The following PHACTR1 variants were observed in gnomAD, a reference collection of about 807,000 sequenced individuals.
PHACTR1 encodes phosphatase and actin regulator 1, also known as RPEL repeat containing 1.
Under a neutral mutation model 69.2 loss-of-function variants are expected in PHACTR1, and 16 were observed. The observed-to-expected ratio is 0.23, with a 90% CI of 0.16 to 0.35. The LOEUF is 0.35. PHACTR1 is among the 10% of genes least tolerant of loss of function. PHACTR1 has a pLI of 1.00. For synonymous variants in PHACTR1, 312 were observed against 284.5 expected (o/e 1.10, Z -0.97); for missense variants, 510 against 734.7 (o/e 0.69, Z 3.54).
At chr6:12,884,985 T>C (rs146875530) in intron 4 of PHACTR1, among the ~76,000 whole-genome samples, 141 of 152,350 alleles carry the variant, frequency 9.3e-4, no homozygotes, top group African/African-American at 3.2e-3. Context: ...TGCTAAATTA[T>C]TGGAGTCGAG....
chr6:12,873,095 G>T (rs753250880), intron 4 of PHACTR1, among the ~76,000 whole-genome samples: 1 of 151,756 alleles, frequency 6.6e-6, no homozygotes, highest in East Asian at 1.9e-4. Flanking sequence ...TCACTGCAGC[G>T]TCAACTCCTG....
At position 13,275,402 on chromosome 6, in the gene PHACTR1, T is replaced by C. The variant is rs558955794; in HGVS notation, c.1447+2487T>C. 6.6e-6 allele frequency: 1 copy of C among 152,422 alleles called. No individual in the cohort carries two copies. Among genetic ancestry groups the C allele is most frequent in the Admixed American group, 6.5e-5 (1 of 15,306 alleles). The allele number at this position is 152,422 out of a possible 1,614,324, so 9.4% of individuals were successfully genotyped here. A position where few individuals can be genotyped will look rare whatever the true frequency, so the allele number is the denominator to read the frequency against. On this transcript the variant is annotated intron_variant, in intron 11 of 14. Coordinates refer to ENST00000332995, the MANE Select transcript of PHACTR1 (RefSeq NM_030948.6). This position sits in a 1 kb window ranked among gnomAD's most constrained non-coding sequence, Gnocchi z 4.0. ...AAATTCATGAACCTGGGTTGGTCAA[T>C]GGCTTTGAACTAAAGGTATCAATTC...
intron 4 of PHACTR1, among the ~76,000 whole-genome samples, chr6:13,030,625 C>T (rs1235572572): frequency 6.6e-6 from 1 of 152,184 alleles, no homozygotes; most frequent in Non-Finnish European, 1.5e-5. Context: ...CCAGTCAAGG[C>T]ATTTGCTTTT....
At chr6:13,107,961 C>T (rs1365261882) in intron 5 of PHACTR1, among the ~76,000 whole-genome samples, 2 of 151,882 alleles carry the variant, frequency 1.3e-5, no homozygotes, top group African/African-American at 2.4e-5. Context: ...TCTTCCATTT[C>T]TTTAAAGTGG....
intron 4 of PHACTR1, among the ~76,000 whole-genome samples, chr6:12,764,995 T>A (rs921158080): frequency 6.6e-6 from 1 of 152,150 alleles, no homozygotes; most frequent in Non-Finnish European, 1.5e-5. Context: ...GTTTATTATC[T>A]TTCTGAATGG....
intron 4 of PHACTR1, among the ~76,000 whole-genome samples, chr6:12,863,936 C>T (rs545027636): frequency 3.9e-5 from 6 of 152,020 alleles, no homozygotes; most frequent in Non-Finnish European, 5.9e-5. Context: ...TTACAGCAGA[C>T]GTAGGAAAGG....
intron 5 of PHACTR1, among the ~76,000 whole-genome samples, chr6:13,130,678 T>G (rs1005510440): frequency 2.6e-5 from 4 of 151,694 alleles, no homozygotes; most frequent in Admixed American, 2.0e-4. Flanking sequence ...AAATTGCCAA[T>G]AAAAAAGGTC....
chr6:12,897,861 C>T (rs1173174082), intron 4 of PHACTR1, among the ~76,000 whole-genome samples: 1 of 152,080 alleles, frequency 6.6e-6, no homozygotes, highest in Non-Finnish European at 1.5e-5. Context: ...TGCTCCCTCC[C>T]CTATTCCCTC....
At position 13,233,793 on chromosome 6, in the gene PHACTR1, A is replaced by G. The variant is rs115839768; in HGVS notation, c.1391+3600A>G. 3.6e-3 allele frequency among the ~76,000 whole-genome samples: 543 copies of G among 152,358 alleles called. 5 individuals carry two copies. The highest frequency in any genetic ancestry group is 0.013 in the African/African-American group (528 of 41,592). Reference sequence around the variant, plus strand: ...AGGAGAAGACACATCAACTAGGGACAGAAAGACAAAGTAGAGAAGGCAGCA... The same window carrying G: ...AGGAGAAGACACATCAACTAGGGACGGAAAGACAAAGTAGAGAAGGCAGCA... On this transcript the variant is annotated intron_variant, in intron 10 of 14. Transcript: ENST00000332995.
intron 4 of PHACTR1, among the ~76,000 whole-genome samples, chr6:12,862,711 A>G (rs948400541): frequency 2.6e-5 from 4 of 152,002 alleles, no homozygotes; most frequent in African/African-American, 7.3e-5. Flanking sequence ...AAGGAAACTG[A>G]AAAAAAAGCA....
chr6:12,954,085 G>T (rs1032441067), intron 4 of PHACTR1, among the ~76,000 whole-genome samples: 1 of 152,136 alleles, frequency 6.6e-6, no homozygotes, highest in African/African-American at 2.4e-5. Flanking sequence ...GAAAGATTTC[G>T]CTATTTGGTA....
intron 4 of PHACTR1, among the ~76,000 whole-genome samples, chr6:12,918,587 C>T (rs925588671): frequency 2.0e-5 from 3 of 152,070 alleles, no homozygotes; most frequent in East Asian, 1.9e-4. Flanking sequence ...GTTGTCTGTT[C>T]GTATTTTTAA....
intron 7 of PHACTR1, among the ~76,000 whole-genome samples, chr6:13,184,179 A>T (rs1376157231): frequency 6.6e-6 from 1 of 152,224 alleles, no homozygotes; most frequent in Non-Finnish European, 1.5e-5. Flanking sequence ...GGCACTCCAG[A>T]ACCTGGAGGA....
chr6:12,897,918 T>C (rs1292849341), intron 4 of PHACTR1, among the ~76,000 whole-genome samples: 1 of 152,084 alleles, frequency 6.6e-6, no homozygotes, highest in Non-Finnish European at 1.5e-5. Flanking sequence ...CTTGTGTCCA[T>C]GTGTTCTCAT....
chr6:12,956,020 A>G (rs1791858862), intron 4 of PHACTR1, among the ~76,000 whole-genome samples: 1 of 152,210 alleles, frequency 6.6e-6, no homozygotes, highest in South Asian at 2.1e-4. Context: ...AATAGTATCT[A>G]ACATTACTTA....
At chr6:12,769,458 C>T (rs940231481) in intron 4 of PHACTR1, among the ~76,000 whole-genome samples, 9 of 152,192 alleles carry the variant, frequency 5.9e-5, no homozygotes, top group Non-Finnish European at 1.2e-4. Flanking sequence ...CAGAGTCTAG[C>T]CCACTGGGTT....
intron 4 of PHACTR1, among the ~76,000 whole-genome samples, chr6:12,978,613 GT>G (rs1562084937): frequency 6.6e-6 from 1 of 152,204 alleles, no homozygotes; most frequent in Non-Finnish European, 1.5e-5. Context: ...TCTGGGATAC[GT>G]TGTTGCTCTG....
chr6:13,141,403 C>G (rs1306885418), intron 5 of PHACTR1, among the ~76,000 whole-genome samples: 1 of 152,220 alleles, frequency 6.6e-6, no homozygotes, highest in Admixed American at 6.5e-5. Context: ...AAAATGATGT[C>G]TGCTATTTTT....
intron 4 of PHACTR1, among the ~76,000 whole-genome samples, chr6:12,987,246 A>G (rs551560685): frequency 5.9e-5 from 9 of 152,342 alleles, no homozygotes; most frequent in African/African-American, 1.7e-4. Flanking sequence ...GACATTATCC[A>G]TTGAAAAACA....
Sources: allele counts gnomAD v4.1 joint callset (sites outside exome capture counted in the v4.1 genomes callset), GRCh38; gene constraint gnomAD v4.1.1; non-coding constraint Gnocchi (gnomAD v3.1); transcripts MANE v1.5; gene names NCBI Gene and HGNC (gene_info 2026-07-23, HGNC 2026-07-21).